The following SLC25A23 variants were observed in gnomAD, a reference collection of about 807,000 sequenced individuals.
The protein encoded by SLC25A23 is solute carrier family 25 member 23.
SLC25A23 carries 32 observed loss-of-function variants against 53.9 expected under a neutral mutation model. That is an observed-to-expected ratio of 0.59 (90% CI 0.45 to 0.80). The LOEUF (loss-of-function observed/expected upper bound fraction) is 0.80, where lower values mean the gene tolerates loss of function less well. Ranked by LOEUF, SLC25A23 falls within the 30% of genes least tolerant of loss-of-function variation. SLC25A23 has a pLI of 0.00. For synonymous variants in SLC25A23, 275 were observed against 264.5 expected (o/e 1.04, Z -0.38); for missense variants, 575 against 651.4 (o/e 0.88, Z 1.28).
intron 8 of SLC25A23, 31 bp from the exon 9 acceptor site, chr19:6,444,332 G>T: frequency 3.3e-6 from 5 of 1,534,072 alleles, no homozygotes; most frequent in African/African-American, 2.7e-5. Flanking sequence ...GGGAGGGTTG[G>T]GGTGGGTGAC....
At chr19:6,453,272 G>A (rs977790373) in intron 7 of SLC25A23, among the ~76,000 whole-genome samples, 2 of 123,180 alleles carry the variant, frequency 1.6e-5, no homozygotes, top group African/African-American at 5.9e-5. Flanking sequence ...CTGGAGTCTT[G>A]CTCAGTTGCC....
rs2092643106 is a variant in SLC25A23, at chr19:6,454,357, G to A, written c.761C>T (p.Pro254Leu). The change falls in exon 6 of 10, where the codon CCC becomes CTC. Residue 254 changes from proline (P) to leucine (L), a missense_variant. Pro to Leu is a moderately conservative substitution (Grantham distance 98). Transcript: ENST00000301454. This position sits in a 1 kb window ranked among gnomAD's most constrained non-coding sequence, Gnocchi z 4.3. ...GNGINVLKIA[P>L]ESAIKFMAYE... ...GGCCATGAACTTGATAGCTGACTCG[G>A]GGGCAATCTTGAGTACATTAATACC... 6.2e-7 allele frequency: 1 copy of A among 1,614,112 alleles called. No homozygotes were observed. Among genetic ancestry groups the A allele is most frequent in the Non-Finnish European group, 8.5e-7 (1 of 1,180,014 alleles).
At position 6,452,293 on chromosome 19, in the gene SLC25A23, G is replaced by T; in HGVS notation, c.1071+19C>A. On this transcript the variant is annotated intron_variant, in intron 8 of 9. Transcript: ENST00000301454. Reference sequence around the variant, plus strand: ...ATCCCAGAGGGGAGCAGGGAAAGAGGAACGCGCTGCCCACAGACCTCGTAG... The same window carrying T: ...ATCCCAGAGGGGAGCAGGGAAAGAGTAACGCGCTGCCCACAGACCTCGTAG... 6 of 1,594,438 alleles carry T rather than the reference G, an allele frequency of 3.8e-6. No individual in the cohort carries two copies. The highest frequency in any genetic ancestry group is 5.1e-6 in the Non-Finnish European group (6 of 1,170,652).
At chr19:6,444,829 G>A (rs2092479303) in intron 8 of SLC25A23, among the ~76,000 whole-genome samples, 1 of 151,608 alleles carries the variant, frequency 6.6e-6, no homozygotes, top group Admixed American at 6.6e-5. Flanking sequence ...CACCACACCT[G>A]GCTAATTTTT....
At chr19:6,453,901 A>G (rs1402531549) in intron 7 of SLC25A23, 80 bp downstream of exon 7, 2 of 1,155,870 alleles carry the variant, frequency 1.7e-6, no homozygotes, top group Non-Finnish European at 2.5e-6. Flanking sequence ...CCCAATGGAT[A>G]TTGTGAAATG....
At chr19:6,445,743 A>C (rs1187762631) in intron 8 of SLC25A23, among the ~76,000 whole-genome samples, 1 of 152,080 alleles carries the variant, frequency 6.6e-6, no homozygotes, top group Non-Finnish European at 1.5e-5. Flanking sequence ...GGTAAAGAAT[A>C]AATTAAAAAC....
intron 9 of SLC25A23, among the ~76,000 whole-genome samples, chr19:6,442,449 G>T (rs2092436776): frequency 6.6e-6 from 1 of 152,162 alleles, no homozygotes; most frequent in Admixed American, 6.5e-5. Flanking sequence ...TCCTTTCCCA[G>T]CTGACTCCTA....
intron 7 of SLC25A23, among the ~76,000 whole-genome samples, chr19:6,453,694 C>A (rs1332908920): frequency 1.3e-5 from 2 of 152,136 alleles, no homozygotes; most frequent in African/African-American, 4.8e-5. Flanking sequence ...ACACGACGTC[C>A]CTGGGAACGT....
At position 6,452,414 on chromosome 19, in the gene SLC25A23, C is replaced by T. The variant is rs778038007; in HGVS notation, c.969G>A (p.Arg323=). The change falls in exon 8 of 10, where the codon AGG becomes AGA. Residue 323 remains arginine, a synonymous_variant. Transcript: ENST00000301454. ...GGGGCCCCTCCCTCTCCAGGATACG[C>T]CTGGCGCAGTCCAGCAGCCCCTTAT... is the stretch of plus-strand genomic sequence containing the variant. ...GQYKGLLDCA[R]RILEREGPRA... 3 of 1,613,956 alleles carry T rather than the reference C, an allele frequency of 1.9e-6. No homozygotes were observed. The highest frequency in any genetic ancestry group is 2.5e-6 in the Non-Finnish European group (3 of 1,179,980).
intron 8 of SLC25A23, among the ~76,000 whole-genome samples, chr19:6,448,735 C>T (rs1469222748): frequency 6.6e-6 from 1 of 151,558 alleles, no homozygotes; most frequent in African/African-American, 2.4e-5. Context: ...TCCCAAAGTG[C>T]TGGGATTACA....
chr19:6,459,564 T>A lies in SLC25A23; in HGVS notation c.65A>T (p.Asp22Val). ...GTCCACGCGGCCATCCTTGTTACTG[T>A]CCAGCTCCTCGAACAGGCGACCCCA... The part of the protein sequence containing the change: ...QRWGRLFEEL[D>V]SNKDGRVDVH... Residue 22 changes from aspartate to valine, a missense_variant, in exon 1 of 10, where the codon GAC becomes GTC. Coordinates refer to ENST00000301454, the MANE Select transcript of SLC25A23 (RefSeq NM_024103.3). This position sits in a 1 kb window ranked among gnomAD's most constrained non-coding sequence, Gnocchi z 4.6. 6.3e-7 allele frequency: 1 copy of A among 1,581,736 alleles called. No individual in the cohort carries two copies. The highest frequency in any genetic ancestry group is 8.5e-7 in the Non-Finnish European group (1 of 1,169,938).
At position 6,440,101 on chromosome 19, in the gene SLC25A23, T is replaced by C. The variant is rs572797452; in HGVS notation, c.*1874A>G. 1 of 152,332 alleles carries C rather than the reference T, an allele frequency of 6.6e-6. No homozygotes were observed. The highest frequency in any genetic ancestry group is 2.4e-5 in the African/African-American group (1 of 41,532). The allele number at this position is 152,332 out of a possible 1,614,324, so 9.4% of individuals were successfully genotyped here. A position where few individuals can be genotyped will look rare whatever the true frequency, so the allele number is the denominator to read the frequency against. On this transcript the variant is annotated 3_prime_UTR_variant, in exon 10 of 10. Transcript: ENST00000301454. ...AAATTTATTCCTTTTGTTCTTTTCC[T>C]TTGAAATAACACACACAGGCAGGGA...
intron 9 of SLC25A23, among the ~76,000 whole-genome samples, chr19:6,442,644 G>A (rs1380441828): frequency 1.3e-5 from 2 of 152,142 alleles, no homozygotes; most frequent in Non-Finnish European, 2.9e-5. Flanking sequence ...CGCCTCCCGG[G>A]TTCAAGCAAT....
intron 8 of SLC25A23, among the ~76,000 whole-genome samples, chr19:6,449,525 C>G (rs1160989104): frequency 2.0e-5 from 3 of 152,066 alleles, no homozygotes; most frequent in African/African-American, 7.2e-5. Context: ...TGCCATTCTC[C>G]TGCCTCAGCC....
intron 8 of SLC25A23, among the ~76,000 whole-genome samples, chr19:6,449,418 A>ATTTT (rs60420597): frequency 5.9e-5 from 8 of 136,010 alleles, no homozygotes; most frequent in African/African-American, 1.9e-4. Flanking sequence ...ACACCTGGCT[A>ATTTT]TTTTTTTTTT....
intron 9 of SLC25A23, among the ~76,000 whole-genome samples, chr19:6,442,752 T>C (rs980068173): frequency 4.6e-5 from 7 of 152,098 alleles, no homozygotes; most frequent in African/African-American, 1.7e-4. Flanking sequence ...GGTTTCTCCA[T>C]GTTGGTCAGG....
intron 8 of SLC25A23, among the ~76,000 whole-genome samples, chr19:6,445,879 C>G (rs1208036724): frequency 6.6e-6 from 1 of 151,674 alleles, no homozygotes; most frequent in Non-Finnish European, 1.5e-5. Context: ...TAGCAAGACT[C>G]TGTCTCTACA....
chr19:6,445,300 G>A (rs2092487136), intron 8 of SLC25A23, among the ~76,000 whole-genome samples: 1 of 150,756 alleles, frequency 6.6e-6, no homozygotes, highest in Non-Finnish European at 1.5e-5. Flanking sequence ...GTAGAGATGG[G>A]GTTTCACCAT....
chr19:6,456,634 C>A, intron 3 of SLC25A23, 103 bp from the exon 4 acceptor site: 1 of 759,926 alleles, frequency 1.3e-6, no homozygotes, highest in Non-Finnish European at 2.3e-6. Context: ...AGGTTCAAGT[C>A]CTCATATCAA....
Sources: gnomAD v4.1 joint callset for allele counts (sites outside exome capture counted in the v4.1 genomes callset) on GRCh38, gnomAD v4.1.1 for gene constraint, Gnocchi (gnomAD v3.1) non-coding constraint, MANE v1.5 for transcripts, NCBI Gene and HGNC (gene_info 2026-07-23, HGNC 2026-07-21) for gene names.